Variants in MARCHF10 observed in about 807,000 individuals in gnomAD.
MARCHF10 encodes the protein membrane associated ring-CH-type finger 10, also known as probable E3 ubiquitin-protein ligase MARCHF10.
A neutral mutation model predicts 76.2 loss-of-function variants in MARCHF10; 64 were observed. That is an observed-to-expected ratio of 0.84 (90% CI 0.69 to 1.03). The LOEUF (loss-of-function observed/expected upper bound fraction) is 1.03. MARCHF10 is among the 50% of genes least tolerant of loss of function. The pLI is 0.00. For missense variants in MARCHF10, 875 were observed against 958.0 expected, an observed-to-expected ratio of 0.91 and a Z score of 1.14; for synonymous variants, 340 against 357.5, an observed-to-expected ratio of 0.95 and a Z score of 0.55.
At chr17:62,750,857 C>T (rs886833329) in intron 4 of MARCHF10, among the ~76,000 whole-genome samples, 5 of 152,200 alleles carry the variant, frequency 3.3e-5, no homozygotes, top group Non-Finnish European at 7.3e-5. Flanking sequence ...TTTCTCGTCT[C>T]CCACTGCCAG....
intron 3 of MARCHF10, among the ~76,000 whole-genome samples, chr17:62,767,750 C>G (rs975997527): frequency 6.6e-6 from 1 of 152,050 alleles, no homozygotes; most frequent in African/African-American, 2.4e-5. Flanking sequence ...CTGTAATGCC[C>G]GGCCCTGTAT....
intron 3 of MARCHF10, among the ~76,000 whole-genome samples, chr17:62,763,869 C>T (rs2147970586): frequency 6.6e-6 from 1 of 152,242 alleles, no homozygotes; most frequent in Non-Finnish European, 1.5e-5. Context: ...CATTTTTGTA[C>T]TTAAGGTTTT....
intron 1 of MARCHF10, 22 bp from the exon 2 acceptor site, chr17:62,801,774 A>C: frequency 4.6e-6 from 7 of 1,528,894 alleles, no homozygotes; most frequent in Non-Finnish European, 6.3e-6. Context: ...AGATAAACAA[A>C]TGTGCTGTGT....
At chr17:62,715,380 T>C (rs1457233710) in intron 8 of MARCHF10, among the ~76,000 whole-genome samples, 1 of 152,240 alleles carries the variant, frequency 6.6e-6, no homozygotes, top group Non-Finnish European at 1.5e-5. Flanking sequence ...CATCATTTGT[T>C]GTCTGCCTGG....
At chr17:62,727,235 G>C (rs529705723) in intron 6 of MARCHF10, among the ~76,000 whole-genome samples, 1 of 152,138 alleles carries the variant, frequency 6.6e-6, no homozygotes, top group African/African-American at 2.4e-5. Flanking sequence ...CTTCTCAAAG[G>C]TATAGGTGGG....
intron 8 of MARCHF10, among the ~76,000 whole-genome samples, chr17:62,721,163 T>C (rs1485403024): frequency 1.3e-5 from 2 of 152,096 alleles, no homozygotes; most frequent in East Asian, 3.9e-4. Flanking sequence ...TCTGCCTGTC[T>C]TTCCAATTTT....
chr17:62,737,183 T>G lies in MARCHF10; in HGVS notation c.685A>C (p.Ser229Arg), dbSNP rs1398258560. The change falls in exon 6 of 11, where the codon AGT becomes CGT. Residue 229 changes from serine to arginine, a missense_variant. By Grantham distance (110) the Ser-to-Arg change is moderately radical. Coordinates refer to ENST00000311269, the MANE Select transcript of MARCHF10 (RefSeq NM_152598.4). The stretch of plus-strand genomic sequence containing the variant: ...TGGGACAGGGCTGGATGCAGCTCAC[T>G]CTGGGAAGGAGCACTCGGGTCTCCT... ...KKGDPSAPSQ[S>R]ELHPALSQAF... 6.2e-7 allele frequency: 1 copy of G among 1,614,128 alleles called. No homozygotes were observed. The highest frequency in any genetic ancestry group is 1.3e-5 in the African/African-American group (1 of 75,020).
intron 4 of MARCHF10, among the ~76,000 whole-genome samples, chr17:62,748,078 T>C (rs993683148): frequency 1.3e-5 from 2 of 152,140 alleles, no homozygotes; most frequent in Admixed American, 6.6e-5. Flanking sequence ...TGACCTAGAT[T>C]GCACAGTTTG....
chr17:62,797,297 C>T (rs1052746029), intron 2 of MARCHF10, among the ~76,000 whole-genome samples: 3 of 152,140 alleles, frequency 2.0e-5, no homozygotes, highest in East Asian at 1.9e-4. Flanking sequence ...CTCCGCCTCC[C>T]GGGTTCAAGC....
intron 8 of MARCHF10, among the ~76,000 whole-genome samples, chr17:62,719,322 G>T (rs528896447): frequency 6.6e-6 from 1 of 151,332 alleles, no homozygotes; most frequent in African/African-American, 2.4e-5. Context: ...CTTTTTTTTT[G>T]ATATTTTACT....
intron 5 of MARCHF10, chr17:62,737,557 G>T: frequency 3.8e-6 from 2 of 531,230 alleles, no homozygotes; most frequent in Non-Finnish European, 6.5e-6. Flanking sequence ...GGAAATGGGG[G>T]GACCCTGAGG....
intron 4 of MARCHF10, chr17:62,750,641 C>G (rs894295571): frequency 1.3e-5 from 2 of 152,478 alleles, no homozygotes; most frequent in Non-Finnish European, 2.9e-5. Flanking sequence ...TCTCCAATGT[C>G]ATAGGAGCAG....
intron 2 of MARCHF10, among the ~76,000 whole-genome samples, chr17:62,791,122 A>G (rs2092834725): frequency 6.6e-6 from 1 of 152,242 alleles, no homozygotes; most frequent in African/African-American, 2.4e-5. Flanking sequence ...AAACAAAACA[A>G]ACAAAAAACA....
chr17:62,808,297 G>C lies in MARCHF10; in HGVS notation c.-238C>G, dbSNP rs2093193663. The C allele has an allele frequency of 6.6e-6, 1 of 152,328 alleles. No individual in the cohort carries two copies. Among genetic ancestry groups the C allele is most frequent in the African/African-American group, 2.4e-5 (1 of 41,466 alleles). The allele number at this position is 152,328 out of a possible 1,614,324, so 9.4% of individuals were successfully genotyped here. On this transcript the variant is annotated 5_prime_UTR_variant, in exon 1 of 11. Coordinates refer to ENST00000311269, the MANE Select transcript of MARCHF10 (RefSeq NM_152598.4). ...GCGCCGGCCGGCCTTGCCTGGGGCG[G>C]AGGCGGTGGGGGCGGCTACCGGGCG...
intron 4 of MARCHF10, among the ~76,000 whole-genome samples, chr17:62,745,107 C>CTT (rs963115348): frequency 7.4e-6 from 1 of 135,178 alleles, no homozygotes; most frequent in African/African-American, 2.7e-5. Flanking sequence ...GTCTTTTTTT[C>CTT]TTTTTTTTTT....
intron 6 of MARCHF10, among the ~76,000 whole-genome samples, chr17:62,731,320 T>C (rs1251105187): frequency 6.6e-6 from 1 of 152,216 alleles, no homozygotes; most frequent in African/African-American, 2.4e-5. Flanking sequence ...TGGAGTCCAG[T>C]AGGGCCATCT....
intron 5 of MARCHF10, among the ~76,000 whole-genome samples, chr17:62,739,129 T>C (rs535860553): frequency 1.2e-4 from 18 of 152,182 alleles, no homozygotes; most frequent in Admixed American, 3.9e-4. Flanking sequence ...TGAAACCCCA[T>C]CTCTACTAAA....
At chr17:62,801,062 C>T (rs930892565) in intron 2 of MARCHF10, among the ~76,000 whole-genome samples, 2 of 150,802 alleles carry the variant, frequency 1.3e-5, no homozygotes, top group South Asian at 2.1e-4. Context: ...GGCTCCATGC[C>T]GAAAACTGAG....
At chr17:62,804,365 C>A (rs768092713) in intron 1 of MARCHF10, among the ~76,000 whole-genome samples, 13 of 151,502 alleles carry the variant, frequency 8.6e-5, no homozygotes, top group Non-Finnish European at 1.3e-4. Context: ...AGAATGGGAA[C>A]GAAAAGAGAA....
Sources: gnomAD v4.1 joint callset for allele counts (sites outside exome capture counted in the v4.1 genomes callset) on GRCh38, gnomAD v4.1.1 for gene constraint, MANE v1.5 for transcripts, NCBI Gene and HGNC (gene_info 2026-07-23, HGNC 2026-07-21) for gene names.